The following TPRG1 variants were observed in gnomAD, a reference collection of about 807,000 sequenced individuals.
The protein encoded by TPRG1 is tumor protein p63-regulated gene 1 protein.
A neutral mutation model predicts 29.3 loss-of-function variants in TPRG1; 29 were observed. The observed-to-expected ratio is 0.99, with a 90% CI of 0.74 to 1.35. The LOEUF (loss-of-function observed/expected upper bound fraction) is 1.35, where lower values mean the gene tolerates loss of function less well. Among genes scored for constraint, TPRG1 ranks in the 40% most tolerant of loss-of-function variants. TPRG1 has a pLI of 0.00. For missense variants in TPRG1, 327 were observed against 335.0 expected, an observed-to-expected ratio of 0.98 and a Z score of 0.19; for synonymous variants, 130 against 116.8, an observed-to-expected ratio of 1.11 and a Z score of -0.73.
chr3:189,015,727 T>G (rs1215460299), intron 3 of TPRG1, among the ~76,000 whole-genome samples: 1 of 152,218 alleles, frequency 6.6e-6, no homozygotes, highest in East Asian at 1.9e-4. Context: ...GGGCCATTGC[T>G]TCAGAGGGTG....
intron 3 of TPRG1, among the ~76,000 whole-genome samples, chr3:189,217,144 A>G (rs1048336216): frequency 6.6e-6 from 1 of 152,226 alleles, no homozygotes; most frequent in Non-Finnish European, 1.5e-5. Context: ...AAATTGTCCA[A>G]AACTAAGTCA....
At chr3:189,300,706 G>C (rs1720692202) in intron 4 of TPRG1, among the ~76,000 whole-genome samples, 1 of 152,180 alleles carries the variant, frequency 6.6e-6, no homozygotes, top group African/African-American at 2.4e-5. Flanking sequence ...CATCACTGAA[G>C]ACATATTCCT....
At chr3:189,177,640 G>A (rs980811618) in intron 1 of TPRG1, among the ~76,000 whole-genome samples, 8 of 152,008 alleles carry the variant, frequency 5.3e-5, no homozygotes, top group African/African-American at 1.9e-4. Context: ...GGTGCTGAAT[G>A]TTTGAGTTTA....
upstream of TPRG1, among the ~76,000 whole-genome samples, chr3:189,171,002 C>G (rs1728751037): frequency 6.6e-6 from 1 of 152,226 alleles, no homozygotes. Context: ...GAAATTCAAT[C>G]ATACACATAA....
intron 4 of TPRG1, among the ~76,000 whole-genome samples, chr3:189,089,984 A>G (rs957238262): frequency 6.6e-6 from 1 of 152,046 alleles, no homozygotes; most frequent in Non-Finnish European, 1.5e-5. Flanking sequence ...GATTAATCCT[A>G]AAATCTATTA....
chr3:189,178,884 T>C (rs1729846215), intron 1 of TPRG1, among the ~76,000 whole-genome samples: 1 of 152,220 alleles, frequency 6.6e-6, no homozygotes, highest in South Asian at 2.1e-4. Context: ...AAACTGACAG[T>C]GATTTTACAT....
rs113007693 is a variant in TPRG1 at position 189,281,771 on chromosome 3, T to C, written c.480-28615T>C. Among the ~76,000 whole-genome samples, 647 of 152,344 alleles carry C rather than the reference T, an allele frequency of 4.2e-3. 3 individuals carry two copies. Among genetic ancestry groups the C allele is most frequent in the African/African-American group, 0.015 (610 of 41,594 alleles). On this transcript the variant is annotated intron_variant, in intron 4 of 5. Coordinates refer to ENST00000345063, the MANE Select transcript of TPRG1 (RefSeq NM_198485.4). ...ATGACTTTACCTTTCTGGTTTGACA[T>C]GTTTTCCATCTCAAGGCACCTACTG...
In TPRG1 at chr3:189,113,429, G is replaced by A. The variant is rs1720787890; in HGVS notation, c.-744+13225G>A. 2.0e-5 allele frequency among the ~76,000 whole-genome samples: 3 copies of A among 152,124 alleles called. No homozygotes were observed. In the South Asian group the frequency reaches 6.2e-4, roughly 32 times the overall value. ...CAACACTATGTTGAATAGGAGTGGTGAGACAGGGCATCCCTGTCTTGTGCC... is the reference window on the plus strand; with the variant it reads ...CAACACTATGTTGAATAGGAGTGGTAAGACAGGGCATCCCTGTCTTGTGCC... On this transcript the variant is annotated intron_variant, in intron 1 of 6. Coordinates refer to the TPRG1 transcript ENST00000412373.
chr3:189,297,731 C>G (rs1001839697), intron 4 of TPRG1, among the ~76,000 whole-genome samples: 7 of 152,102 alleles, frequency 4.6e-5, no homozygotes, highest in African/African-American at 1.7e-4. Flanking sequence ...AGGGCTTGTG[C>G]GAGTTTTTCC....
chr3:189,226,877 T>C (rs1737828044), intron 3 of TPRG1, among the ~76,000 whole-genome samples: 2 of 150,424 alleles, frequency 1.3e-5, no homozygotes, highest in Non-Finnish European at 3.0e-5. Flanking sequence ...TATCACAGCA[T>C]ATCACTACAG....
chr3:189,153,016 C>T lies in TPRG1; in HGVS notation c.-10+2144C>T, dbSNP rs1439720812. ...AAGTAGTTTCACGTGTGTCTTAGAT[C>T]ACTTTAGAGGAAAGATATCAGACAA... On this transcript the variant is annotated intron_variant, in intron 5 of 6. Transcript: ENST00000412373. 4.6e-5 allele frequency among the ~76,000 whole-genome samples: 7 copies of T among 152,202 alleles called. No homozygotes were observed. The East Asian group carries it at 1.3e-3, about 29-fold the overall frequency.
intron 3 of TPRG1, among the ~76,000 whole-genome samples, chr3:189,144,526 T>C (rs748116218): frequency 1.4e-4 from 21 of 152,314 alleles, no homozygotes; most frequent in Admixed American, 4.6e-4. Context: ...AGTTTCTCAA[T>C]AGCCCTGGAA....
At chr3:189,141,881 C>T (rs952020580) in intron 3 of TPRG1, among the ~76,000 whole-genome samples, 1 of 152,088 alleles carries the variant, frequency 6.6e-6, no homozygotes, top group African/African-American at 2.4e-5. Flanking sequence ...AGATGGGGCC[C>T]TGACTGGAGA....
intron 3 of TPRG1, among the ~76,000 whole-genome samples, chr3:189,023,016 T>C (rs1713443489): frequency 6.6e-6 from 1 of 152,226 alleles, no homozygotes; most frequent in South Asian, 2.1e-4. Context: ...ACCCCTTTCT[T>C]TGACTCGGAA....
At chr3:189,114,098 C>T (rs968410391) in intron 1 of TPRG1, among the ~76,000 whole-genome samples, 1 of 151,992 alleles carries the variant, frequency 6.6e-6, no homozygotes, top group African/African-American at 2.4e-5. Flanking sequence ...TACCAGAACC[C>T]CTTATTACAT....
At chr3:189,015,397 G>A (rs1327315740) in intron 3 of TPRG1, among the ~76,000 whole-genome samples, 1 of 152,174 alleles carries the variant, frequency 6.6e-6, no homozygotes, top group African/African-American at 2.4e-5. Flanking sequence ...GAGCATCAAA[G>A]TTTGGAAAAT....
chr3:189,176,093 G>C (rs1169554371), intron 1 of TPRG1, among the ~76,000 whole-genome samples: 1 of 152,054 alleles, frequency 6.6e-6, no homozygotes, highest in East Asian at 1.9e-4. Flanking sequence ...TTTTGCAAAG[G>C]GCTACACTGT....
At chr3:189,098,847 T>C (rs1166988684), upstream of TPRG1, among the ~76,000 whole-genome samples, 1 of 152,058 alleles carries the variant, frequency 6.6e-6, no homozygotes, top group Non-Finnish European at 1.5e-5. Flanking sequence ...TTTCCCTATG[T>C]AGAAAAAAAT....
intron 4 of TPRG1, among the ~76,000 whole-genome samples, chr3:189,273,797 C>G (rs1715626719): frequency 6.6e-6 from 1 of 152,102 alleles, no homozygotes; most frequent in African/African-American, 2.4e-5. Flanking sequence ...AGCCATAGGC[C>G]TATATTGGTC....
Sources: gnomAD v4.1 joint callset for allele counts (sites outside exome capture counted in the v4.1 genomes callset) on GRCh38, gnomAD v4.1.1 for gene constraint, MANE v1.5 for transcripts, NCBI Gene and HGNC (gene_info 2026-07-23, HGNC 2026-07-21) for gene names.